APP: variants seen among roughly 807,000 people sequenced by gnomAD.
APP encodes amyloid beta precursor protein.
APP carries 31 observed loss-of-function variants against 101.4 expected under a neutral mutation model. The ratio of observed to expected loss-of-function variants is 0.31; its 90% CI spans 0.23 to 0.41. The LOEUF is 0.41. APP is among the 10% of genes least tolerant of loss of function. APP has a pLI of 1.00. For missense variants in APP, 839 were observed against 1,003.7 expected (o/e 0.84, Z 2.22); for synonymous variants, 366 against 364.4 (o/e 1.00, Z -0.05).
intron 3 of APP, among the ~76,000 whole-genome samples, chr21:26,057,738 T>C (rs940487674): frequency 5.3e-5 from 8 of 152,290 alleles, no homozygotes; most frequent in Middle Eastern, 3.4e-3. Flanking sequence ...GCAGAAGAAC[T>C]AGACTGAAAA....
intron 11 of APP, among the ~76,000 whole-genome samples, chr21:25,961,031 A>G (rs946585833): frequency 6.6e-6 from 1 of 152,206 alleles, no homozygotes; most frequent in Non-Finnish European, 1.5e-5. Flanking sequence ...GTGTAAAAAG[A>G]AAATAATTCT....
intron 13 of APP, among the ~76,000 whole-genome samples, chr21:25,935,562 C>T (rs2040323956): frequency 6.6e-6 from 1 of 152,100 alleles, no homozygotes; most frequent in African/African-American, 2.4e-5. Flanking sequence ...AAAATCTGGG[C>T]TGGGCGCGGT....
chr21:25,946,468 C>A (rs968319123), intron 13 of APP, among the ~76,000 whole-genome samples: 1 of 152,126 alleles, frequency 6.6e-6, no homozygotes, highest in Non-Finnish European at 1.5e-5. Context: ...GAGTTTGAGA[C>A]CAGCCTGGGA....
intron 3 of APP, among the ~76,000 whole-genome samples, chr21:26,079,364 T>A (rs1292138042): frequency 6.6e-6 from 1 of 152,204 alleles, no homozygotes; most frequent in Non-Finnish European, 1.5e-5. Context: ...CTGTTCACAT[T>A]AAATTTATGG....
At chr21:25,966,859 T>C (rs1027881299) in intron 11 of APP, among the ~76,000 whole-genome samples, 1 of 152,206 alleles carries the variant, frequency 6.6e-6, no homozygotes, top group African/African-American at 2.4e-5. Flanking sequence ...CCACATCATA[T>C]AGTGGCGAAA....
At chr21:25,973,942 T>TAA (rs1568789777) in intron 11 of APP, among the ~76,000 whole-genome samples, 12 of 73,656 alleles carry the variant, frequency 1.6e-4, no homozygotes, top group African/African-American at 1.4e-3. Flanking sequence ...TCCATCTCAT[T>TAA]TAAAAAAAAA....
intron 14 of APP, among the ~76,000 whole-genome samples, chr21:25,907,474 C>T (rs951061346): frequency 1.3e-5 from 2 of 152,216 alleles, no homozygotes; most frequent in African/African-American, 4.8e-5. Context: ...CAGACAGTAA[C>T]TTCATCAATG....
At chr21:25,906,963 CG>C (rs1345823477) in intron 14 of APP, among the ~76,000 whole-genome samples, 1 of 152,184 alleles carries the variant, frequency 6.6e-6, no homozygotes, top group African/African-American at 2.4e-5. Context: ...GGTAGTCCCA[CG>C]GGCCACTGCT....
At chr21:26,104,428 G>A (rs2062135192) in intron 2 of APP, among the ~76,000 whole-genome samples, 1 of 152,142 alleles carries the variant, frequency 6.6e-6, no homozygotes, top group Admixed American at 6.5e-5. Context: ...TTGGGAAAGA[G>A]GAAAGAATAC....
intron 6 of APP, among the ~76,000 whole-genome samples, chr21:26,004,899 A>G (rs1449623016): frequency 6.8e-6 from 1 of 147,210 alleles, no homozygotes; most frequent in Non-Finnish European, 1.5e-5. Flanking sequence ...GAGAACATGC[A>G]GAGTTTGGTT....
At chr21:26,119,551 T>C (rs1039751864) in intron 1 of APP, among the ~76,000 whole-genome samples, 1 of 152,224 alleles carries the variant, frequency 6.6e-6, no homozygotes, top group African/African-American at 2.4e-5. Context: ...CTAATGTTTA[T>C]CAACCCTTAC....
At chr21:25,983,359 T>C (rs144906716) in intron 8 of APP, among the ~76,000 whole-genome samples, 3 of 152,322 alleles carry the variant, frequency 2.0e-5, no homozygotes, top group East Asian at 1.9e-4. Flanking sequence ...TCACTATCTT[T>C]TGAGATCAAA....
chr21:26,095,986 CCT>C (rs2061932955), intron 2 of APP, among the ~76,000 whole-genome samples: 1 of 152,180 alleles, frequency 6.6e-6, no homozygotes, highest in African/African-American at 2.4e-5. Flanking sequence ...CAAACCCAAG[CCT>C]CTGTCAGCTA....
At chr21:26,071,166 A>C (rs2061405126) in intron 3 of APP, among the ~76,000 whole-genome samples, 1 of 152,172 alleles carries the variant, frequency 6.6e-6, no homozygotes, top group African/African-American at 2.4e-5. Context: ...GCAAGGCATC[A>C]AATGAAAGTG....
At chr21:26,149,035 A>ACACC (rs2063210047) in intron 1 of APP, among the ~76,000 whole-genome samples, 1 of 152,210 alleles carries the variant, frequency 6.6e-6, no homozygotes, top group African/African-American at 2.4e-5. Context: ...GGGAGAGAAG[A>ACACC]CACCAAGTAG....
intron 1 of APP, among the ~76,000 whole-genome samples, chr21:26,145,092 T>C (rs1012383291): frequency 6.6e-6 from 1 of 152,078 alleles, no homozygotes; most frequent in East Asian, 1.9e-4. Flanking sequence ...ATTAGAGATG[T>C]TTTACGTGGA....
At chr21:25,987,883 C>T (rs1265585429) in intron 8 of APP, among the ~76,000 whole-genome samples, 2 of 152,106 alleles carry the variant, frequency 1.3e-5, no homozygotes, top group Non-Finnish European at 2.9e-5. Flanking sequence ...AGGCCCTGAT[C>T]CTGGTGGAAT....
At chr21:26,016,291 C>T (rs2044060087) in intron 6 of APP, among the ~76,000 whole-genome samples, 1 of 152,168 alleles carries the variant, frequency 6.6e-6, no homozygotes, top group Non-Finnish European at 1.5e-5. Flanking sequence ...CCTCAGCCTC[C>T]CAAAGTGCTG....
At chr21:26,085,475 G>A (rs982248385) in intron 3 of APP, among the ~76,000 whole-genome samples, 4 of 152,106 alleles carry the variant, frequency 2.6e-5, no homozygotes, top group Admixed American at 2.6e-4. Context: ...AGGTCGGTGG[G>A]GAGAGGAGGC....
Sources: allele counts gnomAD v4.1 joint callset (sites outside exome capture counted in the v4.1 genomes callset), GRCh38; gene constraint gnomAD v4.1.1; transcripts MANE v1.5; gene names NCBI Gene and HGNC (gene_info 2026-07-23, HGNC 2026-07-21).